Variants in CEP135 observed in about 807,000 individuals in gnomAD.
CEP135 encodes centrosomal protein 135, also known as centrosomal protein of 135 kDa.
CEP135 carries 142 observed loss-of-function variants against 157.3 expected under a neutral mutation model. The observed-to-expected ratio is 0.90, with a 90% CI of 0.79 to 1.04. The LOEUF (loss-of-function observed/expected upper bound fraction) is 1.04. Among genes scored for constraint, CEP135 ranks in the 50% least tolerant of loss-of-function variants. The pLI is 0.00. For missense variants in CEP135, 1,317 were observed against 1,309.2 expected (o/e 1.01, Z -0.09); for synonymous variants, 396 against 439.8 (o/e 0.90, Z 1.25).
rs181654499 is a variant in CEP135 at position 55,984,619 on chromosome 4, G to C, written c.1780-662G>C. 1.7e-4 allele frequency among the ~76,000 whole-genome samples: 26 copies of C among 152,288 alleles called. No homozygotes were observed. The East Asian group carries it at 5.0e-3, about 29-fold the overall frequency. On this transcript the variant is annotated intron_variant, in intron 13 of 25. Transcript: ENST00000257287. Reference sequence around the variant, plus strand: ...CAATTAAATAAATACATACAATACAGTGACCCTTTCAACCAAATGTGTAAT... The same window carrying C: ...CAATTAAATAAATACATACAATACACTGACCCTTTCAACCAAATGTGTAAT...
chr4:55,949,651 G>A (rs1363109696), intron 1 of CEP135, among the ~76,000 whole-genome samples: 1 of 152,206 alleles, frequency 6.6e-6, no homozygotes, highest in East Asian at 1.9e-4. Flanking sequence ...TACTGGTTTT[G>A]AGACGCCAAC....
At chr4:55,998,304 A>T (rs1166232208) in intron 15 of CEP135, among the ~76,000 whole-genome samples, 1 of 152,126 alleles carries the variant, frequency 6.6e-6, no homozygotes. Context: ...GTCAGGGCTA[A>T]AAGTGTTCTG....
At position 56,006,500 on chromosome 4, in the gene CEP135, C is replaced by T. The variant is rs6811928; in HGVS notation, c.2281-1827C>T. Among the ~76,000 whole-genome samples, 870 of 152,190 alleles carry T rather than the reference C, an allele frequency of 5.7e-3. 9 individuals are homozygous for T. Among genetic ancestry groups the T allele is most frequent in the African/African-American group, 0.02 (816 of 41,516 alleles). ...AGTGTGGTGATGTGCACCTGTGGTT[C>T]CAACTACATGGGAGGCTGAGGCAGG... On this transcript the variant is annotated intron_variant, in intron 17 of 25. Coordinates refer to ENST00000257287, the MANE Select transcript of CEP135 (RefSeq NM_025009.5).
chr4:56,020,816 T>C, intron 24 of CEP135, 36 bp downstream of exon 24: 1 of 1,482,292 alleles, frequency 6.7e-7, no homozygotes. Context: ...ACAATGTTTT[T>C]ATGTGTTCTC....
rs765658138 is a variant in CEP135 at position 55,956,768 on chromosome 4, G to A, written c.473-455G>A. Among the ~76,000 whole-genome samples, 97 of 152,174 alleles carry A rather than the reference G, an allele frequency of 6.4e-4. 1 individual carries two copies. The highest frequency in any genetic ancestry group is 1.1e-3 in the Non-Finnish European group (77 of 68,002). ...TGGGATTACAGGTGCCCGTTACCACGCCCAGCTAATTTTTTTGTATTTTTA... is the reference window on the plus strand; with the variant it reads ...TGGGATTACAGGTGCCCGTTACCACACCCAGCTAATTTTTTTGTATTTTTA... On this transcript the variant is annotated intron_variant, in intron 4 of 25. Transcript: ENST00000257287.
At chr4:55,971,611 T>C (rs1729030057) in intron 10 of CEP135, among the ~76,000 whole-genome samples, 1 of 151,816 alleles carries the variant, frequency 6.6e-6, no homozygotes, top group African/African-American at 2.4e-5. Context: ...TTGGCTAGTT[T>C]ATACAGGGAG....
rs1277792817 is a variant in CEP135, at chr4:55,957,268, T to C, written c.518T>C (p.Ile173Thr). The C allele has an allele frequency of 1.4e-5, 22 of 1,614,194 alleles. No homozygotes were observed. Among genetic ancestry groups the C allele is most frequent in the East Asian group, 2.2e-5 (1 of 44,882 alleles). The change falls in exon 5 of 26, where the codon ATT becomes ACT. Residue 173 changes from isoleucine (I) to threonine (T), a missense_variant. By Grantham distance (89) the Ile-to-Thr change is moderately conservative (BLOSUM62 -1). Coordinates refer to ENST00000257287, the MANE Select transcript of CEP135 (RefSeq NM_025009.5). ...GCTTTCAGGCGCCAGCGTATGCAAA[T>C]TGATGAACCGGTTCCTCCCTCTGAA... Reference protein sequence around the residue: ...SIAFRRQRMQIDEPVPPSEVS... With the variant: ...SIAFRRQRMQTDEPVPPSEVS...
intron 18 of CEP135, among the ~76,000 whole-genome samples, chr4:56,009,489 A>G (rs1730490915): frequency 6.6e-6 from 1 of 152,148 alleles, no homozygotes; most frequent in South Asian, 2.1e-4. Context: ...TTAACACTTG[A>G]AAGTTTTCTG....
At chr4:56,010,291 G>A (rs996109946) in intron 19 of CEP135, among the ~76,000 whole-genome samples, 1 of 149,776 alleles carries the variant, frequency 6.7e-6, no homozygotes, top group African/African-American at 2.5e-5. Context: ...TGAACCTGGA[G>A]GCAGAGGTTG....
chr4:56,015,410 A>G (rs1349538557), intron 21 of CEP135, among the ~76,000 whole-genome samples: 1 of 152,222 alleles, frequency 6.6e-6, no homozygotes, highest in Non-Finnish European at 1.5e-5. Flanking sequence ...TACCACCACA[A>G]GCCCAGACAT....
intron 6 of CEP135, among the ~76,000 whole-genome samples, chr4:55,963,543 C>T (rs1484047353): frequency 2.0e-5 from 3 of 152,128 alleles, no homozygotes; most frequent in Admixed American, 2.0e-4. Context: ...GTCAGGAGTT[C>T]AAGACCAGCC....
rs1279411788 is a variant in CEP135 at position 56,009,853 on chromosome 4, G to A, written c.2455G>A (p.Glu819Lys). The A allele has an allele frequency of 1.2e-6, 2 of 1,613,948 alleles. No homozygotes were observed. The highest frequency in any genetic ancestry group is 3.3e-5 in the Admixed American group (2 of 59,982). Residue 819 changes from glutamate (E) to lysine (K), a missense_variant, in exon 19 of 26, where the codon GAA becomes AAA. Coordinates refer to ENST00000257287, the MANE Select transcript of CEP135 (RefSeq NM_025009.5). The part of the protein sequence containing the change: ...VGRSREIAFK[E>K]NRRLQDDLAT... ...AAGATCTAGAGAAATCGCTTTTAAGGAAAACAGAAGACTGCAAGATGACCT... is the reference window on the plus strand; with the variant it reads ...AAGATCTAGAGAAATCGCTTTTAAGAAAAACAGAAGACTGCAAGATGACCT...
Position 55,977,545 on chromosome 4 carries a change from GTTTTATT to G in CEP135, c.1473+2580_1473+2586del, listed in dbSNP as rs770641846. Among the ~76,000 whole-genome samples, 10 of 152,268 alleles carry G rather than the reference GTTTTATT, an allele frequency of 6.6e-5. No homozygotes were observed. The South Asian group carries it at 1.2e-3, about 19-fold the overall frequency. On this transcript the variant is annotated intron_variant, in intron 11 of 25. Coordinates refer to ENST00000257287, the MANE Select transcript of CEP135 (RefSeq NM_025009.5). Reference sequence around the variant, plus strand: ...GAAGATTAAATGAGCTAATTTGTCAGTTTTATTTTTAATTGACAAATAATATGTATAT... The same window carrying G: ...GAAGATTAAATGAGCTAATTTGTCAGTTTAATTGACAAATAATATGTATAT...
intron 1 of CEP135, among the ~76,000 whole-genome samples, chr4:55,950,348 C>G (rs936738914): frequency 2.0e-5 from 3 of 152,150 alleles, no homozygotes; most frequent in Non-Finnish European, 2.9e-5. Context: ...TCGACTTTTA[C>G]ATGTATGCTC....
intron 4 of CEP135, among the ~76,000 whole-genome samples, chr4:55,956,693 C>T (rs1728515568): frequency 1.3e-5 from 2 of 152,162 alleles, no homozygotes; most frequent in South Asian, 4.1e-4. Context: ...CCACCACAAC[C>T]TCGGCCTCCC....
chr4:55,955,036 G>C (rs926180703), intron 4 of CEP135, among the ~76,000 whole-genome samples: 2 of 151,590 alleles, frequency 1.3e-5, no homozygotes, highest in Non-Finnish European at 2.9e-5. Flanking sequence ...AGCTGAGATT[G>C]CACCACTGCA....
At chr4:55,958,252 T>C (rs1383781870) in intron 5 of CEP135, among the ~76,000 whole-genome samples, 1 of 152,114 alleles carries the variant, frequency 6.6e-6, no homozygotes, top group Non-Finnish European at 1.5e-5. Flanking sequence ...CTGGTCAATA[T>C]AGTGAGACCT....
intron 17 of CEP135, among the ~76,000 whole-genome samples, chr4:56,000,129 G>A (rs1730112546): frequency 6.6e-6 from 1 of 152,070 alleles, no homozygotes; most frequent in Non-Finnish European, 1.5e-5. Context: ...GGCGGAGATT[G>A]CACTGAACTG....
intron 4 of CEP135, among the ~76,000 whole-genome samples, chr4:55,955,584 G>T (rs960273059): frequency 6.6e-6 from 1 of 152,052 alleles, no homozygotes; most frequent in African/African-American, 2.4e-5. Context: ...GTAACTAGAA[G>T]ATTAAGGCAA....
Sources: allele counts gnomAD v4.1 joint callset (sites outside exome capture counted in the v4.1 genomes callset), GRCh38; gene constraint gnomAD v4.1.1; transcripts MANE v1.5; gene names NCBI Gene and HGNC (gene_info 2026-07-23, HGNC 2026-07-21).